Variants in NTN1 observed in about 807,000 individuals in gnomAD.
NTN1 encodes netrin-1.
NTN1 carries 11 observed loss-of-function variants against 54.2 expected under a neutral mutation model. The ratio of observed to expected loss-of-function variants is 0.20; its 90% CI spans 0.13 to 0.34. The LOEUF (loss-of-function observed/expected upper bound fraction) is 0.34. Among genes scored for constraint, NTN1 ranks in the 10% least tolerant of loss-of-function variants. The pLI is 1.00. For missense variants in NTN1, 740 were observed against 893.1 expected, an observed-to-expected ratio of 0.83 and a Z score of 2.18; for synonymous variants, 371 against 382.0, an observed-to-expected ratio of 0.97 and a Z score of 0.33.
intron 2 of NTN1, among the ~76,000 whole-genome samples, chr17:9,118,909 C>T (rs1426128675): frequency 1.3e-5 from 2 of 152,138 alleles, no homozygotes; most frequent in African/African-American, 4.8e-5. Context: ...GGATAAGGGA[C>T]ATTTTAGTTG....
chr17:9,178,505 G>A (rs1212148329), intron 3 of NTN1, among the ~76,000 whole-genome samples: 2 of 152,202 alleles, frequency 1.3e-5, no homozygotes, highest in Non-Finnish European at 1.5e-5. Flanking sequence ...GCCCGAGGCC[G>A]GCTGGGCTGG....
chr17:9,013,366 G>C, the NTN1 span, among the ~76,000 whole-genome samples: 1 of 151,664 alleles, frequency 6.6e-6, no homozygotes, highest in Non-Finnish European at 1.5e-5. Context: ...ACAGGCATGC[G>C]CCACCACACC....
At chr17:9,203,650 A>C (rs2142339645) in intron 5 of NTN1, among the ~76,000 whole-genome samples, 1 of 152,094 alleles carries the variant, frequency 6.6e-6, no homozygotes, top group South Asian at 2.1e-4. Flanking sequence ...AAATACAAAA[A>C]AAATTAGCCA....
chr17:9,026,452 C>T (rs1321809577), intron 2 of NTN1, among the ~76,000 whole-genome samples: 1 of 151,518 alleles, frequency 6.6e-6, no homozygotes, highest in African/African-American at 2.4e-5. Context: ...TATAATGTTA[C>T]GGCCTTGACA....
chr17:9,036,118 C>T (rs1243554988), intron 2 of NTN1, among the ~76,000 whole-genome samples: 2 of 152,206 alleles, frequency 1.3e-5, no homozygotes, highest in Admixed American at 6.5e-5. Context: ...TTCTCAGACT[C>T]CCAGGGTGCT....
the NTN1 span, among the ~76,000 whole-genome samples, chr17:9,004,308 C>G: frequency 6.6e-6 from 1 of 152,370 alleles, no homozygotes; most frequent in African/African-American, 2.4e-5. Context: ...ATAGTAGAAA[C>G]AGGGTCGACC....
intron 3 of NTN1, among the ~76,000 whole-genome samples, chr17:9,168,446 T>C (rs1245130409): frequency 6.6e-6 from 1 of 151,832 alleles, no homozygotes; most frequent in Non-Finnish European, 1.5e-5. Context: ...GCAGGAGAAT[T>C]GCTTGAACCC....
chr17:9,121,597 A>G (rs1486723546), intron 2 of NTN1, among the ~76,000 whole-genome samples: 1 of 152,072 alleles, frequency 6.6e-6, no homozygotes, highest in Non-Finnish European at 1.5e-5. Flanking sequence ...GCCTCTCCCC[A>G]CATTTTTTGT....
chr17:9,089,046 A>G (rs1183731225), intron 2 of NTN1, among the ~76,000 whole-genome samples: 1 of 152,146 alleles, frequency 6.6e-6, no homozygotes, highest in African/African-American at 2.4e-5. Flanking sequence ...AGCTTAGGGT[A>G]CAGAGTCTCC....
At chr17:9,093,987 T>G (rs1260122396) in intron 2 of NTN1, among the ~76,000 whole-genome samples, 1 of 151,966 alleles carries the variant, frequency 6.6e-6, no homozygotes, top group East Asian at 1.9e-4. Context: ...AAAGAAAATG[T>G]GGACAAGTTA....
intron 5 of NTN1, among the ~76,000 whole-genome samples, chr17:9,192,818 C>T (rs1046199161): frequency 7.2e-5 from 11 of 152,282 alleles, no homozygotes; most frequent in African/African-American, 1.9e-4. Flanking sequence ...CGGTGGCTCA[C>T]GCCTGTAATC....
At chr17:9,071,009 G>A (rs976246606) in intron 2 of NTN1, among the ~76,000 whole-genome samples, 72 of 152,214 alleles carry the variant, frequency 4.7e-4, no homozygotes, top group South Asian at 4.2e-4. Context: ...CCATTCCCAT[G>A]CTGCGTGTCC....
At position 9,212,281 on chromosome 17, in the gene NTN1, C is replaced by T. The variant is rs1905122962; in HGVS notation, c.1412-8887C>T. ...AGGGTGGGGCAAGTCACGAAGTCAC[C>T]TGCAGCCTAGGACCAAGAGGTGAGA... On this transcript the variant is annotated intron_variant, in intron 5 of 6. Coordinates refer to ENST00000173229, the MANE Select transcript of NTN1 (RefSeq NM_004822.3). This position sits in a 1 kb window ranked among gnomAD's most constrained non-coding sequence, Gnocchi z 5.5. Among the ~76,000 whole-genome samples the T allele has an allele frequency of 6.6e-6, 1 of 152,162 alleles. No homozygotes were observed. The highest frequency in any genetic ancestry group is 2.4e-5 in the African/African-American group (1 of 41,442).
intron 2 of NTN1, among the ~76,000 whole-genome samples, chr17:9,024,960 T>G (rs2091865268): frequency 6.6e-6 from 1 of 152,200 alleles, no homozygotes; most frequent in Admixed American, 6.5e-5. Flanking sequence ...TCTCTTCTTT[T>G]CCCCCTCCTT....
At chr17:9,234,880 A>G (rs1905928689) in intron 6 of NTN1, among the ~76,000 whole-genome samples, 1 of 151,532 alleles carries the variant, frequency 6.6e-6, no homozygotes, top group Non-Finnish European at 1.5e-5. Flanking sequence ...GAGAATGGCC[A>G]TTCTGGCTTA....
chr17:9,145,782 G>T (rs957604771), intron 2 of NTN1, among the ~76,000 whole-genome samples: 3 of 152,072 alleles, frequency 2.0e-5, no homozygotes, highest in African/African-American at 7.2e-5. Flanking sequence ...GCCGGGCGTG[G>T]TGGCAGGCAC....
chr17:9,096,719 A>G (rs908393150), intron 2 of NTN1, among the ~76,000 whole-genome samples: 3 of 152,048 alleles, frequency 2.0e-5, no homozygotes, highest in Non-Finnish European at 4.4e-5. Context: ...CTTTTCTGCC[A>G]TTCATTCTCT....
At chr17:9,015,495 C>T in the NTN1 span, among the ~76,000 whole-genome samples, 2 of 152,106 alleles carry the variant, frequency 1.3e-5, no homozygotes, top group African/African-American at 4.8e-5. Context: ...CCGGCCACCC[C>T]TTTTCTCCTA....
chr17:9,086,372 G>A (rs951863924), intron 2 of NTN1, among the ~76,000 whole-genome samples: 1 of 152,118 alleles, frequency 6.6e-6, no homozygotes, highest in Non-Finnish European at 1.5e-5. Context: ...CAAACATTGA[G>A]ATCATTCGGT....
Sources: gnomAD v4.1 joint callset for allele counts (sites outside exome capture counted in the v4.1 genomes callset) on GRCh38, gnomAD v4.1.1 for gene constraint, Gnocchi (gnomAD v3.1) non-coding constraint, MANE v1.5 for transcripts, NCBI Gene and HGNC (gene_info 2026-07-23, HGNC 2026-07-21) for gene names.